The following LAMC1 variants were observed in gnomAD, a reference collection of about 807,000 sequenced individuals.
LAMC1 encodes the protein laminin subunit gamma-1.
In LAMC1, 38 loss-of-function variants were observed where a neutral mutation model predicts 173.6. That is an observed-to-expected ratio of 0.22 (90% confidence interval 0.17 to 0.29). The LOEUF is 0.29. LAMC1 is among the 10% of genes least tolerant of loss of function. LAMC1 has a pLI of 1.00. For synonymous variants in LAMC1, 746 were observed against 749.1 expected, an observed-to-expected ratio of 1.00 and a Z score of 0.07; for missense variants, 1,824 against 2,051.8, an observed-to-expected ratio of 0.89 and a Z score of 2.14.
chr1:183,112,326 G>C (rs1656183918), intron 4 of LAMC1, among the ~76,000 whole-genome samples: 1 of 152,182 alleles, frequency 6.6e-6, no homozygotes, highest in Admixed American at 6.5e-5. Flanking sequence ...TAAATAAATG[G>C]ACATGTGTGC....
chr1:183,122,269 A>G lies in LAMC1; in HGVS notation c.2401+18A>G, dbSNP rs369040921. The G allele has an allele frequency of 3.4e-5, 55 of 1,611,358 alleles. No individual in the cohort carries two copies. The highest frequency in any genetic ancestry group is 2.0e-4 in the South Asian group (18 of 90,810). On this transcript the variant is annotated intron_variant, in intron 13 of 27. Coordinates refer to ENST00000258341, the MANE Select transcript of LAMC1 (RefSeq NM_002293.4). ...CACCACTGGTAAGTCTGCTCGCTTC[A>G]TCTGCTTTCAGTGTTCCCTTCTATA...
rs537244751 is a variant in LAMC1 at position 183,026,189 on chromosome 1, TA to T, written c.418+2059del. 4.7e-3 allele frequency among the ~76,000 whole-genome samples: 712 copies of T among 152,364 alleles called. 6 individuals carry two copies. Among genetic ancestry groups the T allele is most frequent in the Non-Finnish European group, 5.9e-3 (399 of 68,026 alleles). ...AATGAAATTCATAAAACTATGAGTT[TA>T]AAACTTGTAAGTTAAAAGTTAAAGT... On this transcript the variant is annotated intron_variant, in intron 1 of 27. Coordinates refer to ENST00000258341, the MANE Select transcript of LAMC1 (RefSeq NM_002293.4).
At chr1:183,030,218 G>C (rs2102006242) in intron 1 of LAMC1, among the ~76,000 whole-genome samples, 1 of 152,332 alleles carries the variant, frequency 6.6e-6, no homozygotes, top group African/African-American at 2.4e-5. Context: ...AATAGCGACA[G>C]ACTCCATATG....
rs760903252 is a variant in LAMC1 at position 183,134,706 on chromosome 1, T to G, written c.3896T>G (p.Leu1299Arg). 3.1e-6 allele frequency: 5 copies of G among 1,612,962 alleles called. No homozygotes were observed. The highest frequency in any genetic ancestry group is 1.6e-4 in the Middle Eastern group (1 of 6,062). Reference sequence around the variant, plus strand: ...ATGGAAGCTGAGAATCTGGAACAACTGATTGACCAGAAATTAAAAGATTAT... The same window carrying G: ...ATGGAAGCTGAGAATCTGGAACAACGGATTGACCAGAAATTAAAAGATTAT... Reference protein sequence around the residue: ...IKMEAENLEQLIDQKLKDYED... With the variant: ...IKMEAENLEQRIDQKLKDYED... The change falls in exon 23 of 28, where the codon CTG becomes CGG. Residue 1299 changes from leucine to arginine, a missense_variant. By Grantham distance (102) the Leu-to-Arg change is moderately radical (BLOSUM62 -2). Coordinates refer to ENST00000258341, the MANE Select transcript of LAMC1 (RefSeq NM_002293.4).
intron 1 of LAMC1, among the ~76,000 whole-genome samples, chr1:183,080,892 T>C (rs1655254236): frequency 6.6e-6 from 1 of 152,246 alleles, no homozygotes; most frequent in South Asian, 2.1e-4. Context: ...TGTATTTTAT[T>C]TATTTATTTT....
intron 2 of LAMC1, among the ~76,000 whole-genome samples, chr1:183,105,224 C>CAAAA (rs35512159): frequency 2.3e-3 from 98 of 41,824 alleles, no homozygotes; most frequent in African/African-American, 3.5e-3. Flanking sequence ...GACTCCATCT[C>CAAAA]AAAAAAAAAA....
At chr1:183,110,689 T>C in intron 4 of LAMC1, 35 bp downstream of exon 4, 6 of 1,602,974 alleles carry the variant, frequency 3.7e-6, no homozygotes, top group Non-Finnish European at 5.1e-6. Flanking sequence ...GTCAGTTGTC[T>C]TAAGGACTTC....
intron 1 of LAMC1, among the ~76,000 whole-genome samples, chr1:183,058,722 G>C (rs753210457): frequency 1.2e-4 from 18 of 152,204 alleles, no homozygotes; most frequent in Non-Finnish European, 2.2e-4. Context: ...TCTTCTGTCT[G>C]TGGGTGTGGG....
chr1:183,077,235 T>C (rs1479366815), intron 1 of LAMC1, among the ~76,000 whole-genome samples: 1 of 152,184 alleles, frequency 6.6e-6, no homozygotes, highest in Non-Finnish European at 1.5e-5. Context: ...TTGAAGTACC[T>C]AGGAGAATAA....
intron 25 of LAMC1, 89 bp from the exon 26 acceptor site, chr1:183,137,580 G>T: frequency 1.5e-6 from 1 of 676,180 alleles, no homozygotes; most frequent in Non-Finnish European, 2.3e-6. Context: ...ATATTTTTAA[G>T]ACATTTTATA....
rs534241920 is a variant in LAMC1 at position 183,055,366 on chromosome 1, G to A, written c.418+31232G>A. ...TGTTTATAACCACTTACTAGGGATT[G>A]ACTCAGCTATGAACTTGATACCTGC... On this transcript the variant is annotated intron_variant, in intron 1 of 27. Coordinates refer to ENST00000258341, the MANE Select transcript of LAMC1 (RefSeq NM_002293.4). Among the ~76,000 whole-genome samples the A allele has an allele frequency of 5.9e-5, 9 of 152,082 alleles. No individual in the cohort carries two copies. The South Asian group carries it at 1.9e-3, about 32-fold the overall frequency.
chr1:183,131,443 G>GTGTGTGTGT, intron 20 of LAMC1, 65 bp downstream of exon 20: 1 of 1,020,434 alleles, frequency 9.8e-7, no homozygotes, highest in East Asian at 2.4e-5. Flanking sequence ...GTGTGTGTGT[G>GTGTGTGTGT]TGTGTGTGTG....
chr1:183,133,650 G>A (rs1026097043), intron 22 of LAMC1, 100 bp downstream of exon 22: 34 of 1,180,520 alleles, frequency 2.9e-5, no homozygotes, highest in Non-Finnish European at 3.4e-5. Flanking sequence ...CCACTGACTC[G>A]CTGGTAAAGT....
intron 1 of LAMC1, among the ~76,000 whole-genome samples, chr1:183,031,266 T>A (rs1346069819): frequency 6.6e-6 from 1 of 152,216 alleles, no homozygotes; most frequent in African/African-American, 2.4e-5. Context: ...TAACCACATA[T>A]TCATCTAAAG....
rs148915520 is a variant in LAMC1 at position 183,130,470 on chromosome 1, C to T, written c.3407C>T (p.Ala1136Val). ...ETGNLAEQAR[A>V]HVENTERLIE... ...GGAAACTTGGCTGAACAAGCGCGTG[C>T]CCATGTAGAGAACACAGAGCGGTTG... is the stretch of plus-strand genomic sequence containing the variant. The change falls in exon 19 of 28, where the codon GCC (alanine) becomes GTC (valine). Residue 1136 changes from alanine to valine, a missense_variant. Transcript: ENST00000258341. 1.6e-4 allele frequency: 264 copies of T among 1,614,100 alleles called. No individual in the cohort carries two copies. The African/African-American group carries it at 2.8e-3, about 17-fold the overall frequency.
intron 2 of LAMC1, among the ~76,000 whole-genome samples, chr1:183,107,871 C>T (rs909813659): frequency 6.6e-6 from 1 of 152,024 alleles, no homozygotes; most frequent in Admixed American, 6.6e-5. Flanking sequence ...CAATGACCAG[C>T]ATCTCTGATC....
chr1:183,112,352 C>G (rs143999037), intron 4 of LAMC1, among the ~76,000 whole-genome samples: 2 of 152,280 alleles, frequency 1.3e-5, no homozygotes, highest in East Asian at 3.9e-4. Context: ...AAGCATTCTG[C>G]TTAATAATGT....
chr1:183,133,450 C>T lies in LAMC1; in HGVS notation c.3749C>T (p.Ala1250Val). 6.2e-7 allele frequency: 1 copy of T among 1,614,026 alleles called. No individual in the cohort carries two copies. The highest frequency in any genetic ancestry group is 8.5e-7 in the Non-Finnish European group (1 of 1,179,930). The change falls in exon 22 of 28, where the codon GCT becomes GTT. Residue 1250 changes from alanine to valine, a missense_variant. Coordinates refer to ENST00000258341, the MANE Select transcript of LAMC1 (RefSeq NM_002293.4). ...KNISQDLEKQ[A>V]ARVHEEAKRA... ...ATCTCACAGGATCTGGAAAAACAAGCTGCCCGAGTACATGAGGAGGCCAAA... is the reference window on the plus strand; with the variant it reads ...ATCTCACAGGATCTGGAAAAACAAGTTGCCCGAGTACATGAGGAGGCCAAA...
intron 15 of LAMC1, 146 bp downstream of exon 15, chr1:183,125,696 A>T: frequency 1.6e-6 from 1 of 623,146 alleles, no homozygotes; most frequent in Non-Finnish European, 2.7e-6. Context: ...GCAGTGCTGG[A>T]GAATTGTAAT....
Sources: gnomAD v4.1 joint callset for allele counts (sites outside exome capture counted in the v4.1 genomes callset) on GRCh38, gnomAD v4.1.1 for gene constraint, MANE v1.5 for transcripts, NCBI Gene and HGNC (gene_info 2026-07-23, HGNC 2026-07-21) for gene names.